The following KIAA1958 variants were observed in gnomAD, a reference collection of about 807,000 sequenced individuals.
The protein encoded by KIAA1958 is uncharacterized protein KIAA1958.
A neutral mutation model predicts 47.2 loss-of-function variants in KIAA1958; 14 were observed. The observed-to-expected ratio is 0.30, with a 90% CI of 0.20 to 0.46. The LOEUF (loss-of-function observed/expected upper bound fraction) is 0.46, where lower values mean the gene tolerates loss of function less well. KIAA1958 is among the 20% of genes least tolerant of loss of function. The probability of loss-of-function intolerance (pLI) is 1.00; values close to 1 mark genes in which losing one functional copy is unlikely to be tolerated. For missense variants in KIAA1958, 803 were observed against 909.2 expected (o/e 0.88, Z 1.50); for synonymous variants, 354 against 353.3 (o/e 1.00, Z -0.02).
At chr9:112,589,044 C>T (rs886805119) in intron 2 of KIAA1958, among the ~76,000 whole-genome samples, 9 of 152,074 alleles carry the variant, frequency 5.9e-5, no homozygotes, top group East Asian at 5.8e-4. Flanking sequence ...CCTCCCAGAG[C>T]GCTAGGTTTA....
chr9:112,592,206 T>G (rs1835936411), intron 2 of KIAA1958, among the ~76,000 whole-genome samples: 1 of 152,108 alleles, frequency 6.6e-6, no homozygotes, highest in Admixed American at 6.5e-5. Context: ...AGTTTAAAAG[T>G]AGAAGACAAA....
At chr9:112,533,801 G>GC (rs1834808479) in intron 1 of KIAA1958, among the ~76,000 whole-genome samples, 1 of 152,056 alleles carries the variant, frequency 6.6e-6, no homozygotes, top group Non-Finnish European at 1.5e-5. Flanking sequence ...GGGGGAAACA[G>GC]CCCCCGTAAT....
chr9:112,503,925 T>TTATA lies in KIAA1958; in HGVS notation c.-25+16825_-25+16828dup, dbSNP rs5900006. ...AGTGTTAATGTGCTGGGGTTATAAATTATATATATATATATATATATTTGC... is the reference window on the plus strand; with the variant it reads ...AGTGTTAATGTGCTGGGGTTATAAATTATATATATATATATATATATATATTTGC... On this transcript the variant is annotated intron_variant, in intron 1 of 3. Coordinates refer to ENST00000337530, the MANE Select transcript of KIAA1958 (RefSeq NM_133465.4). Among the ~76,000 whole-genome samples the TTATA allele has an allele frequency of 4.0e-3, 589 of 147,444 alleles. 2 individuals carry two copies. The highest frequency in any genetic ancestry group is 0.021 in the East Asian group (107 of 5,052).
Position 112,669,080 on chromosome 9 carries a change from T to A in KIAA1958, c.*9011T>A, listed in dbSNP as rs1446337640. ...GAAGCGGTCAGTAACGTGAATGATG[T>A]TATTGTACCGTCTCCAGCTTTTTCC... On this transcript the variant is annotated 3_prime_UTR_variant, in exon 4 of 4. Transcript: ENST00000337530. 1 of 152,230 alleles carries A rather than the reference T, an allele frequency of 6.6e-6. No homozygotes were observed. The highest frequency in any genetic ancestry group is 1.5e-5 in the Non-Finnish European group (1 of 68,040). The allele number at this position is 152,230 out of a possible 1,614,324, so 9.4% of individuals were successfully genotyped here.
chr9:112,603,540 C>A (rs1292340971), intron 2 of KIAA1958, among the ~76,000 whole-genome samples: 2 of 152,174 alleles, frequency 1.3e-5, no homozygotes, highest in Non-Finnish European at 2.9e-5. Context: ...TGGATTAGAG[C>A]CCCCACACAG....
intron 1 of KIAA1958, among the ~76,000 whole-genome samples, chr9:112,544,527 AGTCAG>A (rs1213987722): frequency 6.9e-6 from 1 of 144,526 alleles, no homozygotes; most frequent in Non-Finnish European, 1.5e-5. Context: ...TAAATAAATA[AGTCAG>A]GATTGGTGAA....
chr9:112,494,599 C>T (rs1834021642), intron 1 of KIAA1958, among the ~76,000 whole-genome samples: 2 of 151,788 alleles, frequency 1.3e-5, no homozygotes, highest in Admixed American at 1.3e-4. Context: ...CCCCAAGTAG[C>T]TGGGACTACA....
intron 2 of KIAA1958, among the ~76,000 whole-genome samples, chr9:112,575,602 G>A (rs1195973553): frequency 6.6e-6 from 1 of 152,062 alleles, no homozygotes; most frequent in East Asian, 1.9e-4. Flanking sequence ...AAGGTGTTTA[G>A]TTGCTGTTTG....
chr9:112,612,458 T>A (rs1436650322), intron 2 of KIAA1958, among the ~76,000 whole-genome samples: 1 of 152,220 alleles, frequency 6.6e-6, no homozygotes, highest in East Asian at 1.9e-4. Context: ...ATAAATATTC[T>A]TAAATATATC....
chr9:112,611,555 G>GA (rs1429030692), intron 2 of KIAA1958, among the ~76,000 whole-genome samples: 3 of 151,794 alleles, frequency 2.0e-5, no homozygotes, highest in South Asian at 2.1e-4. Flanking sequence ...GGGGTGGGGA[G>GA]AAAATCAAAA....
intron 1 of KIAA1958, among the ~76,000 whole-genome samples, chr9:112,528,517 C>T (rs1442136230): frequency 1.3e-5 from 2 of 152,108 alleles, no homozygotes; most frequent in Admixed American, 6.6e-5. Flanking sequence ...GTGTTTATTT[C>T]ATATGCATGT....
chr9:112,595,752 A>G (rs1038536951), intron 2 of KIAA1958, among the ~76,000 whole-genome samples: 1 of 152,028 alleles, frequency 6.6e-6, no homozygotes, highest in Non-Finnish European at 1.5e-5. Context: ...TACATAGTGT[A>G]AATAAATATA....
intron 2 of KIAA1958, among the ~76,000 whole-genome samples, chr9:112,643,897 G>T (rs1836933561): frequency 6.6e-6 from 1 of 152,184 alleles, no homozygotes; most frequent in African/African-American, 2.4e-5. Flanking sequence ...CCATGTGAAG[G>T]CCGGGTGCGG....
intron 2 of KIAA1958, among the ~76,000 whole-genome samples, chr9:112,606,040 A>G (rs922233933): frequency 6.0e-4 from 92 of 152,340 alleles, no homozygotes; most frequent in African/African-American, 2.1e-3. Context: ...CAGCCTACTT[A>G]ATTCCTGACA....
chr9:112,641,027 A>G (rs1417780028), intron 2 of KIAA1958, among the ~76,000 whole-genome samples: 1 of 152,200 alleles, frequency 6.6e-6, no homozygotes, highest in Non-Finnish European at 1.5e-5. Flanking sequence ...TTTACATACA[A>G]TATACAGTCC....
At chr9:112,556,449 T>G (rs1298822667) in intron 1 of KIAA1958, among the ~76,000 whole-genome samples, 1 of 152,228 alleles carries the variant, frequency 6.6e-6, no homozygotes, top group Non-Finnish European at 1.5e-5. Context: ...TCTCCACTTT[T>G]GTTGTAAATT....
At position 112,660,501 on chromosome 9, in the gene KIAA1958, A is replaced by G. The variant is rs191135045; in HGVS notation, c.*432A>G. 4.2e-4 allele frequency: 69 copies of G among 165,374 alleles called. No individual in the cohort carries two copies. Among genetic ancestry groups the G allele is most frequent in the East Asian group, 1.2e-3 (7 of 5,976 alleles). 10.2% of individuals were successfully genotyped at this position (165,374 alleles called of 1,614,324 possible). On this transcript the variant is annotated 3_prime_UTR_variant, in exon 4 of 4. Transcript: ENST00000337530. ...TACACTTTGTTGAATTACACTCACA[A>G]TTAGAAACTAGAGAGAGGCAGACAC...
At chr9:112,503,359 A>G (rs993269509) in intron 1 of KIAA1958, among the ~76,000 whole-genome samples, 17 of 152,110 alleles carry the variant, frequency 1.1e-4, no homozygotes, top group South Asian at 8.3e-4. Flanking sequence ...TAGGAACAAG[A>G]ATTTCAAGAG....
In KIAA1958 at chr9:112,526,696, G is replaced by T. The variant is rs1000378822; in HGVS notation, c.-25+39578G>T. On this transcript the variant is annotated intron_variant, in intron 1 of 3. Transcript: ENST00000337530. The stretch of plus-strand genomic sequence containing the variant: ...AGATGGTAAGAGAGAGCAAGATGGG[G>T]ATAAACATGATTTTTAAATAACAGC... 5.6e-4 allele frequency among the ~76,000 whole-genome samples: 86 copies of T among 152,288 alleles called. 1 individual carries two copies. The highest frequency in any genetic ancestry group is 2.1e-3 in the African/African-American group (86 of 41,566).
Sources: gnomAD v4.1 joint callset for allele counts (sites outside exome capture counted in the v4.1 genomes callset) on GRCh38, gnomAD v4.1.1 for gene constraint, MANE v1.5 for transcripts, NCBI Gene and HGNC (gene_info 2026-07-23, HGNC 2026-07-21) for gene names.